Variants in SORCS2 observed in about 807,000 individuals in gnomAD.
SORCS2 encodes VPS10 domain-containing receptor SorCS2.
SORCS2 carries 100 observed loss-of-function variants against 141.6 expected under a neutral mutation model. The ratio of observed to expected loss-of-function variants is 0.71; its 90% CI spans 0.60 to 0.83. The LOEUF (loss-of-function observed/expected upper bound fraction) is 0.83, where lower values mean the gene tolerates loss of function less well. Among genes scored for constraint, SORCS2 ranks in the 40% least tolerant of loss-of-function variants. The pLI is 0.00. For synonymous variants in SORCS2, 789 were observed against 676.9 expected (o/e 1.17, Z -2.57); for missense variants, 1,646 against 1,560.2 (o/e 1.05, Z -0.93).
chr4:7,337,906 A>G (rs567249727), intron 1 of SORCS2, among the ~76,000 whole-genome samples: 1 of 151,704 alleles, frequency 6.6e-6, no homozygotes, highest in African/African-American at 2.4e-5. Context: ...CCTTGCTGGA[A>G]ACACCCAGCC....
At chr4:7,208,889 A>C (rs893229025) in intron 1 of SORCS2, among the ~76,000 whole-genome samples, 12 of 152,206 alleles carry the variant, frequency 7.9e-5, no homozygotes, top group South Asian at 2.1e-4. Context: ...TGTGACGCCA[A>C]CCTGGCTCAC....
chr4:7,424,138 G>A (rs1302690561), intron 2 of SORCS2, among the ~76,000 whole-genome samples: 1 of 152,204 alleles, frequency 6.6e-6, no homozygotes, highest in Non-Finnish European at 1.5e-5. Flanking sequence ...ATTGTTCCTG[G>A]CCATGTGTGA....
At chr4:7,724,016 G>T in intron 19 of SORCS2, 133 bp downstream of exon 19, 1 of 1,063,590 alleles carries the variant, frequency 9.4e-7, no homozygotes, top group Non-Finnish European at 1.3e-6. Flanking sequence ...CCGAGGGCAG[G>T]GAGGCAGGGA....
At chr4:7,387,751 G>T (rs1379941366) in intron 1 of SORCS2, among the ~76,000 whole-genome samples, 4 of 87,260 alleles carry the variant, frequency 4.6e-5, no homozygotes, top group Non-Finnish European at 8.8e-5. Flanking sequence ...TGCACACACA[G>T]ATACACAGAA....
intron 2 of SORCS2, among the ~76,000 whole-genome samples, chr4:7,498,732 T>C (rs2109422536): frequency 6.6e-6 from 1 of 152,340 alleles, no homozygotes; most frequent in Admixed American, 6.5e-5. Context: ...AGCAGAGGTG[T>C]CTACACCACA....
At chr4:7,627,112 A>G (rs1719560692) in intron 3 of SORCS2, among the ~76,000 whole-genome samples, 1 of 152,034 alleles carries the variant, frequency 6.6e-6, no homozygotes, top group Non-Finnish European at 1.5e-5. Context: ...CAGCTTCCCA[A>G]GTAGCTGGGA....
At chr4:7,308,898 C>T (rs112952510) in intron 1 of SORCS2, among the ~76,000 whole-genome samples, 1 of 152,208 alleles carries the variant, frequency 6.6e-6, no homozygotes, top group Non-Finnish European at 1.5e-5. Flanking sequence ...GCAGCAGAGA[C>T]ACACCTCTGG....
At chr4:7,271,969 C>T (rs765751921) in intron 1 of SORCS2, among the ~76,000 whole-genome samples, 18 of 152,274 alleles carry the variant, frequency 1.2e-4, no homozygotes, top group South Asian at 1.0e-3. Flanking sequence ...GGGAGCTCTG[C>T]GGGCTGTTTA....
At chr4:7,684,107 G>T (rs189816104) in intron 10 of SORCS2, among the ~76,000 whole-genome samples, 2 of 152,106 alleles carry the variant, frequency 1.3e-5, no homozygotes, top group African/African-American at 4.8e-5. Context: ...CTTGCATACC[G>T]CAGGGAGCTC....
intron 11 of SORCS2, among the ~76,000 whole-genome samples, chr4:7,694,265 C>T (rs1369077032): frequency 6.6e-6 from 1 of 152,098 alleles, no homozygotes; most frequent in African/African-American, 2.4e-5. Context: ...ACCAGAACAC[C>T]CAGGCAGGGA....
At chr4:7,561,401 T>C (rs934090040) in intron 3 of SORCS2, among the ~76,000 whole-genome samples, 4 of 152,114 alleles carry the variant, frequency 2.6e-5, no homozygotes, top group African/African-American at 7.2e-5. Context: ...TACATCCATC[T>C]ACCCATCCAT....
intron 4 of SORCS2, among the ~76,000 whole-genome samples, chr4:7,640,030 TGA>T (rs1720566036): frequency 1.4e-5 from 2 of 143,794 alleles, no homozygotes; most frequent in African/African-American, 2.5e-5. Flanking sequence ...AGTGTGTACG[TGA>T]GTGTGCATGT....
chr4:7,305,841 T>C (rs1042734135), intron 1 of SORCS2, among the ~76,000 whole-genome samples: 4 of 152,162 alleles, frequency 2.6e-5, no homozygotes, highest in Non-Finnish European at 5.9e-5. Flanking sequence ...CCCTCCCCGA[T>C]CATCCCCCCA....
At chr4:7,214,362 T>C (rs1446098074) in intron 1 of SORCS2, among the ~76,000 whole-genome samples, 1 of 152,168 alleles carries the variant, frequency 6.6e-6, no homozygotes, top group East Asian at 1.9e-4. Flanking sequence ...AGCTCCCCTT[T>C]TCCTCTTTCT....
intron 2 of SORCS2, among the ~76,000 whole-genome samples, chr4:7,438,780 G>A (rs1727466794): frequency 6.6e-6 from 1 of 151,806 alleles, no homozygotes; most frequent in Non-Finnish European, 1.5e-5. Flanking sequence ...CTTGCTTCGA[G>A]GTTCTCACTA....
At chr4:7,459,761 C>G (rs1729171149) in intron 2 of SORCS2, among the ~76,000 whole-genome samples, 1 of 152,218 alleles carries the variant, frequency 6.6e-6, no homozygotes, top group Admixed American at 6.5e-5. Context: ...TCCCATCACC[C>G]TCTGGGATGT....
At chr4:7,510,366 T>A (rs1732546442) in intron 2 of SORCS2, among the ~76,000 whole-genome samples, 1 of 152,172 alleles carries the variant, frequency 6.6e-6, no homozygotes, top group African/African-American at 2.4e-5. Context: ...TCCTCCGAGC[T>A]GACTTACTCC....
intron 2 of SORCS2, among the ~76,000 whole-genome samples, chr4:7,480,181 C>T (rs568535516): frequency 6.6e-6 from 1 of 152,332 alleles, no homozygotes; most frequent in East Asian, 1.9e-4. Flanking sequence ...GTATTCTGGG[C>T]TTTGCCCTGA....
At chr4:7,245,527 C>G (rs1401992243) in intron 1 of SORCS2, among the ~76,000 whole-genome samples, 1 of 152,240 alleles carries the variant, frequency 6.6e-6, no homozygotes, top group Admixed American at 6.5e-5. Flanking sequence ...TGCGTGGCCT[C>G]GGATGATTCC....
Sources: gnomAD v4.1 joint callset for allele counts (sites outside exome capture counted in the v4.1 genomes callset) on GRCh38, gnomAD v4.1.1 for gene constraint, MANE v1.5 for transcripts, NCBI Gene and HGNC (gene_info 2026-07-23, HGNC 2026-07-21) for gene names.